Variants in SNX7 observed in about 807,000 individuals in gnomAD.
SNX7 encodes the protein sorting nexin-7.
In SNX7, 35 loss-of-function variants were observed where a neutral mutation model predicts 48.4. The observed-to-expected ratio is 0.72, with a 90% CI of 0.55 to 0.96. SNX7 has a LOEUF of 0.96. SNX7 is among the 40% of genes least tolerant of loss of function. The pLI is 0.00. For missense variants in SNX7, 553 were observed against 548.9 expected (o/e 1.01, Z -0.07); for synonymous variants, 190 against 190.2 (o/e 1.00, Z 0.01).
At chr1:98,697,065 G>C (rs1041385235) in intron 5 of SNX7, among the ~76,000 whole-genome samples, 1 of 151,922 alleles carries the variant, frequency 6.6e-6, no homozygotes, top group Non-Finnish European at 1.5e-5. Flanking sequence ...ATATTGTTCA[G>C]GTTTAATGAC....
intron 8 of SNX7, among the ~76,000 whole-genome samples, chr1:98,752,276 G>T (rs1320586273): frequency 5.3e-5 from 8 of 151,936 alleles, no homozygotes; most frequent in East Asian, 1.9e-4. Flanking sequence ...CAAGAGCAAA[G>T]AAATTTAAGG....
At chr1:98,725,856 A>G (rs1477487120) in intron 7 of SNX7, among the ~76,000 whole-genome samples, 1 of 152,164 alleles carries the variant, frequency 6.6e-6, no homozygotes, top group African/African-American at 2.4e-5. Flanking sequence ...GATTTGGAGA[A>G]GGGTCTTACT....
intron 8 of SNX7, among the ~76,000 whole-genome samples, chr1:98,746,233 A>G (rs1654303067): frequency 2.0e-5 from 3 of 152,064 alleles, no homozygotes; most frequent in Admixed American, 2.0e-4. Flanking sequence ...TAACTTTTTA[A>G]AAATTGACTA....
rs187016092 is a variant in SNX7 at position 98,672,432 on chromosome 1, A to C, written c.180+10521A>C. 5.3e-5 allele frequency among the ~76,000 whole-genome samples: 8 copies of C among 149,604 alleles called. No homozygotes were observed. The East Asian group carries it at 1.6e-3, about 30-fold the overall frequency. On this transcript the variant is annotated intron_variant, in intron 1 of 8. Transcript: ENST00000306121. ...AACCAATTGGGAGGCACTGAAAATC[A>C]CCTGGCAGCTGGCCAGGAGATGTAA...
At chr1:98,733,400 C>T (rs1193638062) in intron 7 of SNX7, among the ~76,000 whole-genome samples, 3 of 152,098 alleles carry the variant, frequency 2.0e-5, no homozygotes, top group African/African-American at 7.2e-5. Flanking sequence ...CTCTAGTCCT[C>T]TTTCTTAAAC....
intron 4 of SNX7, among the ~76,000 whole-genome samples, chr1:98,693,797 T>G (rs1651276776): frequency 6.6e-6 from 1 of 152,216 alleles, no homozygotes; most frequent in African/African-American, 2.4e-5. Context: ...AATATTTGGG[T>G]AAATAATATA....
intron 1 of SNX7, among the ~76,000 whole-genome samples, chr1:98,682,694 T>G (rs549534962): frequency 5.5e-4 from 84 of 152,318 alleles, no homozygotes; most frequent in African/African-American, 2.0e-3. Context: ...GTTTCTTAAA[T>G]CTTTAGGGAA....
At chr1:98,713,094 G>GAAAA (rs56653679) in intron 7 of SNX7, among the ~76,000 whole-genome samples, 3 of 129,854 alleles carry the variant, frequency 2.3e-5, no homozygotes, top group Admixed American at 7.9e-5. Flanking sequence ...TCTGTCTCAG[G>GAAAA]AAAAAAAAAA....
At chr1:98,692,077 G>T (rs1294996330) in intron 4 of SNX7, among the ~76,000 whole-genome samples, 1 of 151,774 alleles carries the variant, frequency 6.6e-6, no homozygotes, top group African/African-American at 2.4e-5. Flanking sequence ...TGGCGGTTAG[G>T]GAAGCCAACC....
rs1366607725 is a variant in SNX7 at position 98,661,815 on chromosome 1, C to T, written c.84C>T (p.Gly28=). The T allele has an allele frequency of 2.7e-5, 34 of 1,245,412 alleles. No individual in the cohort carries two copies. The highest frequency in any genetic ancestry group is 1.6e-4 in the South Asian group (4 of 24,318). The allele number at this position is 1,245,412 out of a possible 1,614,324, so 77.1% of individuals were successfully genotyped here. A position where few individuals can be genotyped will look rare whatever the true frequency, so the allele number is the denominator to read the frequency against. ...CCAACGGGGAGAGCCCGGGGGGCGG[C>T]GCCCCCTTTCCGGGCAGCAGTGGCT... is the stretch of plus-strand genomic sequence containing the variant. ...GGANGESPGG[G]APFPGSSGSS... is the part of the protein sequence containing the mutation. The change falls in exon 1 of 9, where the codon GGC becomes GGT. Residue 28 remains glycine (G), a synonymous_variant. Coordinates refer to ENST00000306121, the MANE Select transcript of SNX7 (RefSeq NM_015976.5).
intron 7 of SNX7, among the ~76,000 whole-genome samples, chr1:98,732,292 C>G (rs1433264511): frequency 1.3e-5 from 2 of 152,158 alleles, no homozygotes; most frequent in East Asian, 3.9e-4. Context: ...AACATGGAAT[C>G]ACAGAAACAG....
intron 2 of SNX7, among the ~76,000 whole-genome samples, chr1:98,690,256 TGA>T (rs1557798971): frequency 1.3e-5 from 2 of 152,050 alleles, no homozygotes. Flanking sequence ...GGTATTGGTG[TGA>T]GTGACTGTTT....
At chr1:98,704,787 TC>T in intron 7 of SNX7, among the ~76,000 whole-genome samples, 1 of 152,092 alleles carries the variant, frequency 6.6e-6, no homozygotes, top group Non-Finnish European at 1.5e-5. Flanking sequence ...CTTCAGAGAC[TC>T]CATCAAAGTC....
At chr1:98,691,724 T>C (rs1651139431) in intron 4 of SNX7, 25 bp downstream of exon 4, 1 of 1,555,500 alleles carries the variant, frequency 6.4e-7, no homozygotes, top group African/African-American at 1.4e-5. Context: ...TTTATACTCA[T>C]ATAATCTTTG....
chr1:98,688,679 T>G (rs1391879042), intron 2 of SNX7, among the ~76,000 whole-genome samples: 1 of 152,180 alleles, frequency 6.6e-6, no homozygotes, highest in African/African-American at 2.4e-5. Context: ...CACAAGTTCA[T>G]TAGTACTAAA....
intron 7 of SNX7, among the ~76,000 whole-genome samples, chr1:98,704,137 AT>A (rs1434190076): frequency 6.6e-6 from 1 of 151,788 alleles, no homozygotes. Flanking sequence ...CTGTATAAAA[AT>A]TTTTTTGATA....
At chr1:98,707,022 T>G (rs1204881484) in intron 7 of SNX7, among the ~76,000 whole-genome samples, 2 of 152,198 alleles carry the variant, frequency 1.3e-5, no homozygotes, top group African/African-American at 4.8e-5. Context: ...TTGGAAATTA[T>G]TAGCAAATAG....
At chr1:98,695,411 G>A (rs1651396692) in intron 4 of SNX7, 107 bp from the exon 5 acceptor site, 1 of 1,085,088 alleles carries the variant, frequency 9.2e-7, no homozygotes, top group Non-Finnish European at 1.3e-6. Flanking sequence ...TGATGCCTAT[G>A]AAACCATTTT....
At chr1:98,723,250 A>G (rs56090634) in intron 7 of SNX7, among the ~76,000 whole-genome samples, 40,131 of 152,094 alleles carry the variant, frequency 0.26, 5,625 homozygotes, top group Middle Eastern at 0.31. Flanking sequence ...ATTTAAGCTG[A>G]GATGAAAGAA....
Sources: gnomAD v4.1 joint callset for allele counts (sites outside exome capture counted in the v4.1 genomes callset) on GRCh38, gnomAD v4.1.1 for gene constraint, MANE v1.5 for transcripts, NCBI Gene and HGNC (gene_info 2026-07-23, HGNC 2026-07-21) for gene names.